The following MGAT4C variants were observed in gnomAD, a reference collection of about 807,000 sequenced individuals.
MGAT4C encodes the protein MGAT4 family member C.
MGAT4C carries 19 observed loss-of-function variants against 40.1 expected under a neutral mutation model. The observed-to-expected ratio is 0.47, with a 90% confidence interval of 0.33 to 0.70. The LOEUF is 0.70. MGAT4C is among the 30% of genes least tolerant of loss of function. The pLI is 0.02. For synonymous variants in MGAT4C, 181 were observed against 187.1 expected, an observed-to-expected ratio of 0.97 and a Z score of 0.27; for missense variants, 491 against 563.2, an observed-to-expected ratio of 0.87 and a Z score of 1.30.
intron 2 of MGAT4C, among the ~76,000 whole-genome samples, chr12:86,504,936 C>T (rs182648280): frequency 3.2e-4 from 49 of 152,152 alleles, no homozygotes; most frequent in Non-Finnish European, 4.9e-4. Flanking sequence ...CATGAGACAC[C>T]GGCGCCCAGC....
intron 3 of MGAT4C, among the ~76,000 whole-genome samples, chr12:86,429,323 T>C (rs1381935218): frequency 6.6e-6 from 1 of 152,198 alleles, no homozygotes; most frequent in African/African-American, 2.4e-5. Context: ...TTAGAAAATA[T>C]ACTTGATATA....
At chr12:86,692,317 T>C (rs1322813988) in intron 2 of MGAT4C, among the ~76,000 whole-genome samples, 1 of 152,196 alleles carries the variant, frequency 6.6e-6, no homozygotes. Flanking sequence ...ATAGTATAAT[T>C]ACATGTTATC....
chr12:86,411,158 A>G (rs1425594692), intron 3 of MGAT4C, among the ~76,000 whole-genome samples: 8 of 152,194 alleles, frequency 5.3e-5, no homozygotes, highest in Admixed American at 5.2e-4. Flanking sequence ...GACTAATACA[A>G]AAAAAGGTAG....
At chr12:86,343,204 C>A (rs1335415299) in intron 3 of MGAT4C, among the ~76,000 whole-genome samples, 1 of 152,130 alleles carries the variant, frequency 6.6e-6, no homozygotes, top group African/African-American at 2.4e-5. Flanking sequence ...AAGAAACATA[C>A]ATATACTGGT....
chr12:86,806,919 TG>T, intron 1 of MGAT4C, among the ~76,000 whole-genome samples: 1 of 151,844 alleles, frequency 6.6e-6, no homozygotes, highest in African/African-American at 2.4e-5. Context: ...AACGAGTTAA[TG>T]GGTGCAGCAT....
At chr12:86,605,551 T>C (rs1045780408) in intron 2 of MGAT4C, among the ~76,000 whole-genome samples, 2 of 152,158 alleles carry the variant, frequency 1.3e-5, no homozygotes, top group African/African-American at 4.8e-5. Flanking sequence ...TAACTCTCGA[T>C]TTTCCATTGG....
intron 2 of MGAT4C, among the ~76,000 whole-genome samples, chr12:86,552,103 G>A (rs1325906865): frequency 2.7e-5 from 4 of 145,526 alleles, no homozygotes; most frequent in Non-Finnish European, 4.5e-5. Context: ...TCAATCATAA[G>A]GAAAAATACA....
At chr12:86,790,471 T>G (rs1952003824) in intron 1 of MGAT4C, among the ~76,000 whole-genome samples, 2 of 152,164 alleles carry the variant, frequency 1.3e-5, no homozygotes, top group African/African-American at 2.4e-5. Flanking sequence ...GTTTTGCTTC[T>G]TTCTTAAAAG....
At chr12:86,454,650 G>A (rs897060012) in intron 2 of MGAT4C, among the ~76,000 whole-genome samples, 2 of 152,092 alleles carry the variant, frequency 1.3e-5, no homozygotes, top group African/African-American at 4.8e-5. Context: ...TTATATATCA[G>A]CAATGAAATT....
intron 2 of MGAT4C, among the ~76,000 whole-genome samples, chr12:86,678,507 C>A (rs1322231621): frequency 2.0e-5 from 3 of 151,302 alleles, no homozygotes; most frequent in Admixed American, 6.6e-5. Flanking sequence ...TATACATGTG[C>A]CATGCTGGTG....
At chr12:86,573,038 G>GT (rs554384040) in intron 2 of MGAT4C, among the ~76,000 whole-genome samples, 14 of 150,142 alleles carry the variant, frequency 9.3e-5, no homozygotes, top group Non-Finnish European at 1.6e-4. Context: ...AAACATGTCT[G>GT]TTTTTTTTTC....
At chr12:86,239,406 A>G (rs2452802) in intron 1 of MGAT4C, among the ~76,000 whole-genome samples, 122,791 of 151,138 alleles carry the variant, frequency 0.81, 49,901 homozygotes, top group East Asian at 0.95. Flanking sequence ...AGCCACAGCC[A>G]TCTCTCTCTC....
chr12:86,041,854 C>T (rs1891883726), intron 2 of MGAT4C, among the ~76,000 whole-genome samples: 1 of 152,134 alleles, frequency 6.6e-6, no homozygotes, highest in African/African-American at 2.4e-5. Context: ...GAGTTCAGGT[C>T]CTGAATATCT....
At chr12:86,597,749 C>T (rs146850168) in intron 2 of MGAT4C, among the ~76,000 whole-genome samples, 5 of 152,050 alleles carry the variant, frequency 3.3e-5, no homozygotes, top group Admixed American at 6.6e-5. Context: ...ATCCCCTATT[C>T]CCCTCTCAAT....
intron 1 of MGAT4C, among the ~76,000 whole-genome samples, chr12:86,140,154 C>T (rs988261727): frequency 6.6e-6 from 1 of 152,084 alleles, no homozygotes; most frequent in Non-Finnish European, 1.5e-5. Flanking sequence ...TTAATTCTAC[C>T]TGTTCCTCTG....
At chr12:86,132,747 G>A (rs868141720) in intron 1 of MGAT4C, among the ~76,000 whole-genome samples, 24 of 137,342 alleles carry the variant, frequency 1.7e-4, no homozygotes, top group Middle Eastern at 5.2e-3. Flanking sequence ...AGCAGAGATC[G>A]CGCCACTGCA....
At chr12:86,555,881 C>G (rs915027957) in intron 2 of MGAT4C, among the ~76,000 whole-genome samples, 11 of 152,132 alleles carry the variant, frequency 7.2e-5, no homozygotes, top group African/African-American at 2.7e-4. Context: ...TTTCTGATTC[C>G]TTTGACTCCC....
At chr12:86,245,871 ATAAATC>A (rs1407871751) in intron 1 of MGAT4C, among the ~76,000 whole-genome samples, 5 of 152,248 alleles carry the variant, frequency 3.3e-5, no homozygotes, top group African/African-American at 1.2e-4. Flanking sequence ...TTTCTTGAGA[ATAAATC>A]TATAATCATC....
chr12:86,534,752 C>T (rs74348387), intron 2 of MGAT4C, among the ~76,000 whole-genome samples: 4,228 of 152,120 alleles, frequency 0.028, 162 homozygotes, highest in African/African-American at 0.087. Context: ...ATGGTTTTTG[C>T]TTCATAATAG....
Sources: allele counts gnomAD v4.1 joint callset (sites outside exome capture counted in the v4.1 genomes callset), GRCh38; gene constraint gnomAD v4.1.1; transcripts MANE v1.5; gene names NCBI Gene and HGNC (gene_info 2026-07-23, HGNC 2026-07-21).